Variants in ALKBH4 observed in about 807,000 individuals in gnomAD.
ALKBH4 encodes the protein alkB homolog 4, lysine demethylase.
A neutral mutation model predicts 12.1 loss-of-function variants in ALKBH4; 8 were observed. The observed-to-expected ratio is 0.66, with a 90% CI of 0.39 to 1.19. The LOEUF (loss-of-function observed/expected upper bound fraction) is 1.19. Among genes scored for constraint, ALKBH4 ranks in the 50% most tolerant of loss-of-function variants. The probability of loss-of-function intolerance (pLI) is 0.01; values close to 1 mark genes in which losing one functional copy is unlikely to be tolerated. For synonymous variants in ALKBH4, 195 were observed against 191.6 expected, an observed-to-expected ratio of 1.02 and a Z score of -0.15; for missense variants, 403 against 430.4, an observed-to-expected ratio of 0.94 and a Z score of 0.56.
chr7:102,464,753 C>T lies in ALKBH4; in HGVS notation c.84G>A (p.Arg28=). 6.4e-7 allele frequency: 1 copy of T among 1,571,662 alleles called. No homozygotes were observed. The highest frequency in any genetic ancestry group is 8.6e-7 in the Non-Finnish European group (1 of 1,161,900). The change falls in exon 1 of 3, where the codon CGG becomes CGA. Residue 28 remains arginine, a synonymous_variant. Transcript: ENST00000292566. ...KGIRTCLICE[R]QRGSDPPWEL... ...CCCAGGGCGGGTCACTGCCGCGCTGCCGCTCGCAGATCAGACAGGTCCGGA... is the reference window on the plus strand; with the variant it reads ...CCCAGGGCGGGTCACTGCCGCGCTGTCGCTCGCAGATCAGACAGGTCCGGA...
intron 1 of ALKBH4, among the ~76,000 whole-genome samples, chr7:102,462,346 G>A (rs1380595578): frequency 5.3e-5 from 8 of 151,932 alleles, no homozygotes; most frequent in Non-Finnish European, 1.5e-5. Flanking sequence ...ACTGGAACGG[G>A]TCAGACTTTC....
intron 1 of ALKBH4, among the ~76,000 whole-genome samples, chr7:102,462,955 CTTTTTTTTTTTT>C (rs200495061): frequency 8.2e-6 from 1 of 121,920 alleles, no homozygotes; most frequent in African/African-American, 3.2e-5. Context: ...TCAAAATGTC[CTTTTTTTTTTTT>C]TTTTTTTTGA....
rs756909709 is a variant in ALKBH4, at chr7:102,457,512, C to A, written c.791G>T (p.Arg264Leu). ...CTCCCGGAAAGTGACGCAGACGCGG[C>A]GGGCCTCGATGTGTCTGCGGTGGAT... ...HAIHRRHIEA[R>L]RVCVTFRELS... The change falls in exon 3 of 3, where the codon CGC becomes CTC. Residue 264 changes from arginine (R) to leucine (L), a missense_variant. Physicochemically the swap from Arg to Leu is moderately radical, Grantham distance 102. Coordinates refer to ENST00000292566, the MANE Select transcript of ALKBH4 (RefSeq NM_017621.4). The surrounding 1 kb of genome is among the most constrained non-coding windows in gnomAD (Gnocchi z 5.9). The A allele has an allele frequency of 6.2e-7, 1 of 1,613,122 alleles. No homozygotes were observed. The highest frequency in any genetic ancestry group is 1.7e-5 in the Admixed American group (1 of 60,012).
At chr7:102,461,681 AAG>A (rs1168788854) in intron 1 of ALKBH4, among the ~76,000 whole-genome samples, 2 of 152,210 alleles carry the variant, frequency 1.3e-5, no homozygotes, top group Non-Finnish European at 2.9e-5. Flanking sequence ...ATTTTTAAAA[AAG>A]AGTTTCGCCA....
rs1002910109 is a variant in ALKBH4, at chr7:102,456,411, C to A, written c.*983G>T. ...AGGTGTGTGCCACCATGCCCAGACG[C>A]CCAGCTAATGTTTGTATTTTTTGTA... On this transcript the variant is annotated 3_prime_UTR_variant, in exon 3 of 3. Coordinates refer to ENST00000292566, the MANE Select transcript of ALKBH4 (RefSeq NM_017621.4). 1 of 152,130 alleles carries A rather than the reference C, an allele frequency of 6.6e-6. No individual in the cohort carries two copies. The highest frequency in any genetic ancestry group is 2.4e-5 in the African/African-American group (1 of 41,386). 9.4% of individuals were successfully genotyped at this position (152,130 alleles called of 1,614,324 possible). A position where few individuals can be genotyped will look rare whatever the true frequency, so the allele number is the denominator to read the frequency against.
At chr7:102,463,259 CT>C (rs1008994217) in intron 1 of ALKBH4, among the ~76,000 whole-genome samples, 1 of 141,758 alleles carries the variant, frequency 7.1e-6, no homozygotes, top group African/African-American at 2.6e-5. Flanking sequence ...CCTGTCCTTC[CT>C]TTTTAAGGCT....
At chr7:102,458,304 T>C (rs1297967339) in intron 2 of ALKBH4, among the ~76,000 whole-genome samples, 1 of 152,158 alleles carries the variant, frequency 6.6e-6, no homozygotes, top group Non-Finnish European at 1.5e-5. Flanking sequence ...GCATGGTGGC[T>C]CACGCCTATC....
chr7:102,464,754 C>T lies in ALKBH4; in HGVS notation c.83G>A (p.Arg28Gln). 2 of 1,571,526 alleles carry T rather than the reference C, an allele frequency of 1.3e-6. No individual in the cohort carries two copies. The highest frequency in any genetic ancestry group is 1.7e-6 in the Non-Finnish European group (2 of 1,161,916). The change falls in exon 1 of 3, where the codon CGG becomes CAG. Residue 28 changes from arginine to glutamine, a missense_variant. Physicochemically the swap from Arg to Gln is conservative, Grantham distance 43 (BLOSUM62 1). Transcript: ENST00000292566. The part of the protein sequence containing the change: ...KGIRTCLICE[R>Q]QRGSDPPWEL... Reference sequence around the variant, plus strand: ...CCAGGGCGGGTCACTGCCGCGCTGCCGCTCGCAGATCAGACAGGTCCGGAT... The same window carrying T: ...CCAGGGCGGGTCACTGCCGCGCTGCTGCTCGCAGATCAGACAGGTCCGGAT...
chr7:102,459,017 G>T (rs1028491472), intron 2 of ALKBH4, among the ~76,000 whole-genome samples: 1 of 151,966 alleles, frequency 6.6e-6, no homozygotes, highest in African/African-American at 2.4e-5. Context: ...ATGGTGGTGG[G>T]CACCTGTAGT....
Position 102,457,574 on chromosome 7 carries a change from G to T in ALKBH4, c.729C>A (p.Val243=). The change falls in exon 3 of 3, where the codon GTC becomes GTA. Residue 243 remains valine (V), a synonymous_variant. Transcript: ENST00000292566. The surrounding 1 kb of genome is among the most constrained non-coding windows in gnomAD (Gnocchi z 5.9). ...AIPLPARSLL[V]LTGAARHQWK... is the part of the protein sequence containing the mutation. ...ACTGGTGCCGTGCCGCCCCGGTGAG[G>T]ACCAGCAGGGAGCGGGCGGGTAAGG... 6.2e-7 allele frequency: 1 copy of T among 1,608,862 alleles called. No individual in the cohort carries two copies. The highest frequency in any genetic ancestry group is 8.5e-7 in the Non-Finnish European group (1 of 1,179,652).
Position 102,459,667 on chromosome 7 carries a change from G to A in ALKBH4, c.258C>T (p.Ala86=), listed in dbSNP as rs747709379. The A allele has an allele frequency of 5.0e-6, 8 of 1,614,142 alleles. No individual in the cohort carries two copies. Among genetic ancestry groups the A allele is most frequent in the Admixed American group, 1.7e-5 (1 of 60,002 alleles). Residue 86 remains alanine (A), a synonymous_variant, in exon 2 of 3, where the codon GCC becomes GCT. Transcript: ENST00000292566. ...IEDFVTREEE[A]ELVRLMDRDP... is the part of the protein sequence containing the mutation. ...CACGGTCCATGAGCCGCACCAACTCGGCTTCTTCCTCCCGGGTCACAAAGT... is the reference window on the plus strand; with the variant it reads ...CACGGTCCATGAGCCGCACCAACTCAGCTTCTTCCTCCCGGGTCACAAAGT...
intron 2 of ALKBH4, among the ~76,000 whole-genome samples, chr7:102,458,864 T>A (rs1797723641): frequency 6.6e-6 from 1 of 151,474 alleles, no homozygotes; most frequent in Admixed American, 6.6e-5. Flanking sequence ...CACAAAAGAA[T>A]GGGGCTGGGC....
At chr7:102,459,849 G>C in intron 1 of ALKBH4, 48 bp from the exon 2 acceptor site, 2 of 1,518,756 alleles carry the variant, frequency 1.3e-6, no homozygotes, top group Non-Finnish European at 1.8e-6. Flanking sequence ...AGCGAGACCC[G>C]GTCCCTACGA....
intron 2 of ALKBH4, among the ~76,000 whole-genome samples, chr7:102,458,397 C>CT (rs1797709160): frequency 6.6e-6 from 1 of 152,172 alleles, no homozygotes; most frequent in African/African-American, 2.4e-5. Flanking sequence ...CAGCAAAACT[C>CT]TGTCTCTAGT....
Position 102,464,792 on chromosome 7 carries a change from G to T in ALKBH4, c.45C>A (p.Cys15Ter). 6.4e-7 allele frequency: 1 copy of T among 1,566,328 alleles called. No homozygotes were observed. The highest frequency in any genetic ancestry group is 8.6e-7 in the Non-Finnish European group (1 of 1,160,614). The stretch of plus-strand genomic sequence containing the variant: ...GACAGGTCCGGATGCCCTTGCAACC[G>T]CATTCCCGAAGGACTTCGGGGGTCT... ...AAETPEVLRE[C>*]GCKGIRTCLI... The change falls in exon 1 of 3, where the codon TGC (cysteine) becomes TGA (stop). Residue 15 changes from cysteine to a stop codon, truncating the protein, a stop_gained. Transcript: ENST00000292566. LOFTEE classifies it high-confidence loss of function.
intron 2 of ALKBH4, among the ~76,000 whole-genome samples, chr7:102,458,234 G>C (rs1286495547): frequency 2.0e-5 from 3 of 152,120 alleles, no homozygotes; most frequent in Admixed American, 6.6e-5. Context: ...AGGAGTTTGA[G>C]ACCAGTCTGG....
rs760585592 is a variant in ALKBH4 at position 102,457,632 on chromosome 7, G to A, written c.671C>T (p.Ser224Leu). 5 of 1,584,574 alleles carry A rather than the reference G, an allele frequency of 3.2e-6. No homozygotes were observed. The highest frequency in any genetic ancestry group is 2.3e-5 in the East Asian group (1 of 43,752). Residue 224 changes from serine (S) to leucine (L), a missense_variant, in exon 3 of 3, where the codon TCG (serine) becomes TTG (leucine). Physicochemically the swap from Ser to Leu is moderately radical, Grantham distance 145 (BLOSUM62 -2). Transcript: ENST00000292566. This position sits in a 1 kb window ranked among gnomAD's most constrained non-coding sequence, Gnocchi z 5.9. Reference protein sequence around the residue: ...LVDSVIAPSRSVLCQEVEVAI... With the variant: ...LVDSVIAPSRLVLCQEVEVAI... The stretch of plus-strand genomic sequence containing the variant: ...CACCTCCACCTCCTGGCATAGCACC[G>A]ACCGGCTGGGTGCTATCACGCTGTC...
At chr7:102,458,021 T>G (rs1332011709) in intron 2 of ALKBH4, 40 bp from the exon 3 acceptor site, 1 of 1,538,874 alleles carries the variant, frequency 6.5e-7, no homozygotes, top group African/African-American at 1.4e-5. Flanking sequence ...GTGTCTGAGT[T>G]TACGAAGATG....
At chr7:102,461,262 G>A (rs1415106436) in intron 1 of ALKBH4, among the ~76,000 whole-genome samples, 3 of 151,944 alleles carry the variant, frequency 2.0e-5, no homozygotes, top group Non-Finnish European at 2.9e-5. Context: ...CCTTGAACCC[G>A]GGAGGTGGAG....
Sources: gnomAD v4.1 joint callset for allele counts (sites outside exome capture counted in the v4.1 genomes callset) on GRCh38, gnomAD v4.1.1 for gene constraint, Gnocchi (gnomAD v3.1) non-coding constraint, MANE v1.5 for transcripts, NCBI Gene and HGNC (gene_info 2026-07-23, HGNC 2026-07-21) for gene names.